The following HPSE2 variants were observed in gnomAD, a reference collection of about 807,000 sequenced individuals.
HPSE2 encodes inactive heparanase-2.
In HPSE2, 38 loss-of-function variants were observed where a neutral mutation model predicts 60.5. The observed-to-expected ratio is 0.63, with a 90% CI of 0.48 to 0.82. The LOEUF is 0.82. Ranked by LOEUF, HPSE2 falls within the 40% of genes least tolerant of loss-of-function variation. The pLI, the probability that HPSE2 is intolerant of heterozygous loss-of-function variation, is 0.00. For synonymous variants in HPSE2, 295 were observed against 293.2 expected, an observed-to-expected ratio of 1.01 and a Z score of -0.06; for missense variants, 713 against 740.4, an observed-to-expected ratio of 0.96 and a Z score of 0.43.
intron 2 of HPSE2, among the ~76,000 whole-genome samples, chr10:99,184,522 CAAAAAA>C (rs200059066): frequency 3.0e-4 from 18 of 60,750 alleles, no homozygotes; most frequent in African/African-American, 1.5e-3. Context: ...GAGACTGTCT[CAAAAAA>C]AAAAAAAAAA....
chr10:98,938,252 G>A lies in HPSE2; in HGVS notation c.611-194196C>T, dbSNP rs536849452. 7.6e-5 allele frequency among the ~76,000 whole-genome samples: 11 copies of A among 144,892 alleles called. 1 individual carries two copies. The highest frequency in any genetic ancestry group is 4.2e-4 in the South Asian group (2 of 4,770). Reference sequence around the variant, plus strand: ...AAGCTGGACGGAGAATGACTTTGACGAGTTGAGAGAAGAAGGCTTCAGATG... The same window carrying A: ...AAGCTGGACGGAGAATGACTTTGACAAGTTGAGAGAAGAAGGCTTCAGATG... On this transcript the variant is annotated intron_variant, in intron 3 of 11. Coordinates refer to ENST00000370552, the MANE Select transcript of HPSE2 (RefSeq NM_021828.5).
intron 3 of HPSE2, among the ~76,000 whole-genome samples, chr10:98,839,346 T>A (rs780672787): frequency 3.3e-5 from 5 of 152,178 alleles, no homozygotes; most frequent in Non-Finnish European, 7.3e-5. Flanking sequence ...TCCCCAATAC[T>A]CTGTTTTTGA....
At chr10:98,974,642 C>T (rs11189913) in intron 3 of HPSE2, among the ~76,000 whole-genome samples, 17,119 of 152,154 alleles carry the variant, frequency 0.11, 1,034 homozygotes, top group South Asian at 0.21. Flanking sequence ...GATTACCTGG[C>T]GTTCCTACAA....
chr10:99,296,285 G>A, the HPSE2 span, among the ~76,000 whole-genome samples: 1 of 152,142 alleles, frequency 6.6e-6, no homozygotes, highest in Admixed American at 6.5e-5. Flanking sequence ...CCAGAGGCAG[G>A]GCTCAGATGC....
intron 9 of HPSE2, among the ~76,000 whole-genome samples, chr10:98,515,009 C>A (rs189200151): frequency 2.6e-4 from 40 of 152,270 alleles, no homozygotes; most frequent in Non-Finnish European, 5.4e-4. Flanking sequence ...CAGGCGTGAG[C>A]CACCGCGCCC....
At chr10:99,307,032 C>G in the HPSE2 span, among the ~76,000 whole-genome samples, 3 of 152,144 alleles carry the variant, frequency 2.0e-5, no homozygotes, top group African/African-American at 2.4e-5. Flanking sequence ...TTTTAGCCTG[C>G]TAACTGGCTT....
intron 3 of HPSE2, among the ~76,000 whole-genome samples, chr10:99,136,365 AG>A (rs1451918446): frequency 1.3e-5 from 2 of 152,212 alleles, no homozygotes; most frequent in Non-Finnish European, 2.9e-5. Flanking sequence ...ACAGAAAAAG[AG>A]GGAATCCTCC....
chr10:98,756,276 AG>A (rs1949876889), intron 3 of HPSE2, among the ~76,000 whole-genome samples: 1 of 152,162 alleles, frequency 6.6e-6, no homozygotes, highest in African/African-American at 2.4e-5. Context: ...AAGGAAAACA[AG>A]AGAAAACAAT....
intron 3 of HPSE2, among the ~76,000 whole-genome samples, chr10:98,976,323 G>A (rs1015735697): frequency 4.6e-5 from 7 of 152,132 alleles, no homozygotes; most frequent in Non-Finnish European, 1.0e-4. Context: ...TATGTGCCAG[G>A]TATTGTTCTA....
At chr10:99,146,616 C>T (rs1846063437) in intron 2 of HPSE2, among the ~76,000 whole-genome samples, 1 of 152,152 alleles carries the variant, frequency 6.6e-6, no homozygotes, top group Admixed American at 6.5e-5. Context: ...AATCCCAGCA[C>T]TTTGGGAGGC....
intron 6 of HPSE2, among the ~76,000 whole-genome samples, chr10:98,652,266 A>G (rs545405713): frequency 1.3e-5 from 2 of 152,220 alleles, no homozygotes; most frequent in Non-Finnish European, 2.9e-5. Context: ...GGGAATAGGA[A>G]GGTAAGAGCC....
At chr10:98,896,775 T>G (rs1182485902) in intron 3 of HPSE2, among the ~76,000 whole-genome samples, 3 of 152,106 alleles carry the variant, frequency 2.0e-5, no homozygotes, top group African/African-American at 7.2e-5. Flanking sequence ...AAATTACCAG[T>G]CTGATCCAAT....
chr10:98,992,064 C>T (rs572955265), intron 3 of HPSE2, among the ~76,000 whole-genome samples: 9 of 152,152 alleles, frequency 5.9e-5, no homozygotes, highest in Non-Finnish European at 1.2e-4. Context: ...TCTTGTCTTT[C>T]CAATCAAATT....
intron 2 of HPSE2, among the ~76,000 whole-genome samples, chr10:99,219,720 C>T (rs558678741): frequency 1.3e-5 from 2 of 152,240 alleles, no homozygotes; most frequent in South Asian, 2.1e-4. Flanking sequence ...AATAAGATTA[C>T]CGTACTGTGA....
chr10:98,484,509 T>G (rs745997421), intron 10 of HPSE2, among the ~76,000 whole-genome samples: 1 of 152,238 alleles, frequency 6.6e-6, no homozygotes, highest in Non-Finnish European at 1.5e-5. Flanking sequence ...AGGGCTGGGA[T>G]TACAGGCGTT....
At chr10:98,675,163 G>A (rs985941802) in intron 6 of HPSE2, among the ~76,000 whole-genome samples, 6 of 152,096 alleles carry the variant, frequency 3.9e-5, no homozygotes, top group East Asian at 1.9e-4. Context: ...TCACCTTGAA[G>A]CCTTCTATCT....
the HPSE2 span, among the ~76,000 whole-genome samples, chr10:99,292,048 C>A: frequency 6.6e-6 from 1 of 151,942 alleles, no homozygotes; most frequent in Non-Finnish European, 1.5e-5. Context: ...AAACTAGAAA[C>A]CAGAGGGGGC....
chr10:98,543,140 C>G (rs1430469535), intron 9 of HPSE2, among the ~76,000 whole-genome samples: 4 of 152,240 alleles, frequency 2.6e-5, no homozygotes, highest in Non-Finnish European at 5.9e-5. Flanking sequence ...TTGGCAGAAA[C>G]TCTACAAGCC....
At chr10:99,037,006 T>C (rs1458339247) in intron 3 of HPSE2, among the ~76,000 whole-genome samples, 1 of 152,068 alleles carries the variant, frequency 6.6e-6, no homozygotes, top group Non-Finnish European at 1.5e-5. Context: ...GAAGAAGAAA[T>C]ACTGGTATTA....
Sources: gnomAD v4.1 joint callset for allele counts (sites outside exome capture counted in the v4.1 genomes callset) on GRCh38, gnomAD v4.1.1 for gene constraint, MANE v1.5 for transcripts, NCBI Gene and HGNC (gene_info 2026-07-23, HGNC 2026-07-21) for gene names.